Variants in NUAK1 observed in about 807,000 individuals in gnomAD.
The protein encoded by NUAK1 is NUAK family kinase 1.
NUAK1 carries 26 observed loss-of-function variants against 56.9 expected under a neutral mutation model. That is an observed-to-expected ratio of 0.46 (90% CI 0.33 to 0.63). NUAK1 has a LOEUF of 0.63. Ranked by LOEUF, NUAK1 falls within the 30% of genes least tolerant of loss-of-function variation. The pLI is 0.02. For synonymous variants in NUAK1, 337 were observed against 336.0 expected (o/e 1.00, Z -0.03); for missense variants, 727 against 876.1 (o/e 0.83, Z 2.15).
At chr12:106,072,511 G>A (rs149242824) in intron 5 of NUAK1, among the ~76,000 whole-genome samples, 1 of 152,140 alleles carries the variant, frequency 6.6e-6, no homozygotes. Flanking sequence ...GGGATGGCAG[G>A]TACCTTTATT....
At chr12:106,099,663 C>G (rs181601609) in intron 2 of NUAK1, among the ~76,000 whole-genome samples, 187 of 152,218 alleles carry the variant, frequency 1.2e-3, no homozygotes, top group Non-Finnish European at 2.1e-3. Flanking sequence ...GCTGAATTTT[C>G]CTTACCATAA....
chr12:106,117,430 C>T (rs995409540), intron 1 of NUAK1, among the ~76,000 whole-genome samples: 3 of 152,154 alleles, frequency 2.0e-5, no homozygotes, highest in African/African-American at 7.2e-5. Context: ...CTTTGCTCAG[C>T]TATTCATTTT....
chr12:106,110,464 TG>T (rs2032847291), intron 1 of NUAK1, among the ~76,000 whole-genome samples: 2 of 152,002 alleles, frequency 1.3e-5, no homozygotes, highest in African/African-American at 2.4e-5. Flanking sequence ...ACCAAAGAAA[TG>T]CACAGACATG....
intron 1 of NUAK1, among the ~76,000 whole-genome samples, chr12:106,113,326 G>T (rs2032883967): frequency 1.3e-5 from 2 of 152,206 alleles, no homozygotes; most frequent in Admixed American, 1.3e-4. Context: ...AGTTCGTGCT[G>T]AGTGGGCATG....
intron 1 of NUAK1, among the ~76,000 whole-genome samples, chr12:106,117,104 G>A (rs142202304): frequency 3.3e-4 from 50 of 152,248 alleles, no homozygotes; most frequent in African/African-American, 9.9e-4. Context: ...CTCCTTTTGG[G>A]AGGAACACCC....
chr12:106,108,864 C>A (rs2032831141), intron 1 of NUAK1, among the ~76,000 whole-genome samples: 2 of 152,166 alleles, frequency 1.3e-5, no homozygotes, highest in African/African-American at 4.8e-5. Flanking sequence ...CGGAGGGTCC[C>A]ATGGTGCAAT....
At chr12:106,126,749 C>T (rs2033029003) in intron 1 of NUAK1, among the ~76,000 whole-genome samples, 1 of 152,180 alleles carries the variant, frequency 6.6e-6, no homozygotes. Flanking sequence ...TGGAATCTTG[C>T]CTCTAGCCTA....
chr12:106,120,588 C>T (rs1037277512), intron 1 of NUAK1, among the ~76,000 whole-genome samples: 1 of 152,138 alleles, frequency 6.6e-6, no homozygotes, highest in Admixed American at 6.5e-5. Flanking sequence ...TCAGGTCACC[C>T]CACTAACAGA....
chr12:106,081,026 G>A (rs560246724), intron 4 of NUAK1, among the ~76,000 whole-genome samples: 16 of 152,252 alleles, frequency 1.1e-4, no homozygotes, highest in African/African-American at 1.4e-4. Flanking sequence ...AAGACCAGCT[G>A]AATCACATTT....
intron 1 of NUAK1, among the ~76,000 whole-genome samples, chr12:106,131,161 G>GC (rs544693616): frequency 4.4e-4 from 66 of 151,686 alleles, no homozygotes; most frequent in South Asian, 3.5e-3. Context: ...TCCACCCTGA[G>GC]CCCCCCCCTT....
intron 6 of NUAK1, 83 bp from the exon 7 acceptor site, chr12:106,068,038 A>T: frequency 7.6e-7 from 1 of 1,318,116 alleles, no homozygotes; most frequent in Non-Finnish European, 1.0e-6. Context: ...GGAGTGACGA[A>T]AGACACACAC....
intron 1 of NUAK1, among the ~76,000 whole-genome samples, chr12:106,116,700 G>A (rs2032920300): frequency 6.6e-6 from 1 of 152,216 alleles, no homozygotes; most frequent in Non-Finnish European, 1.5e-5. Context: ...CATAGTAGGT[G>A]TTACATAAAT....
chr12:106,063,838 C>A lies in NUAK1; in HGVS notation c.*2964G>T, dbSNP rs2032306812. 1 of 152,566 alleles carries A rather than the reference C, an allele frequency of 6.6e-6. No homozygotes were observed. The highest frequency in any genetic ancestry group is 1.5e-5 in the Non-Finnish European group (1 of 68,038). The allele number at this position is 152,566 out of a possible 1,614,324, so 9.5% of individuals were successfully genotyped here. A position where few individuals can be genotyped will look rare whatever the true frequency, so the allele number is the denominator to read the frequency against. Reference sequence around the variant, plus strand: ...CTCAAGACAGCAGGCCTGGGCAAAACTCGCCTGAATTTCACCCTGAAAAGT... The same window carrying A: ...CTCAAGACAGCAGGCCTGGGCAAAAATCGCCTGAATTTCACCCTGAAAAGT... On this transcript the variant is annotated 3_prime_UTR_variant, in exon 7 of 7. Coordinates refer to ENST00000261402, the MANE Select transcript of NUAK1 (RefSeq NM_014840.3).
chr12:106,078,745 G>C (rs1264124938), intron 4 of NUAK1, among the ~76,000 whole-genome samples: 2 of 152,226 alleles, frequency 1.3e-5, no homozygotes, highest in Non-Finnish European at 2.9e-5. Context: ...GGAACAATGT[G>C]AGGAGGCTCT....
intron 3 of NUAK1, among the ~76,000 whole-genome samples, chr12:106,086,082 T>C (rs772812899): frequency 6.6e-6 from 1 of 150,984 alleles, no homozygotes; most frequent in Non-Finnish European, 1.5e-5. Flanking sequence ...TTCAAGAACA[T>C]TTCTCCTAGT....
chr12:106,094,887 G>A (rs957276202), intron 2 of NUAK1, among the ~76,000 whole-genome samples: 3 of 152,312 alleles, frequency 2.0e-5, no homozygotes, highest in South Asian at 2.1e-4. Context: ...GGCAGGGGAC[G>A]TGGCCAGGAT....
At chr12:106,109,265 T>G (rs909300999) in intron 1 of NUAK1, among the ~76,000 whole-genome samples, 1 of 152,182 alleles carries the variant, frequency 6.6e-6, no homozygotes, top group Non-Finnish European at 1.5e-5. Context: ...CAGTATTCAT[T>G]AGCCACTTAA....
At chr12:106,121,310 T>C (rs2032971993) in intron 1 of NUAK1, among the ~76,000 whole-genome samples, 1 of 152,218 alleles carries the variant, frequency 6.6e-6, no homozygotes, top group Non-Finnish European at 1.5e-5. Flanking sequence ...TCACTTAGTG[T>C]ATCTTGCAGA....
At chr12:106,086,459 CCTGTAA>C in intron 3 of NUAK1, among the ~76,000 whole-genome samples, 1 of 152,026 alleles carries the variant, frequency 6.6e-6, no homozygotes, top group East Asian at 1.9e-4. Flanking sequence ...TTGAAACTTT[CCTGTAA>C]ATCTAAAATT....
Sources: gnomAD v4.1 joint callset for allele counts (sites outside exome capture counted in the v4.1 genomes callset) on GRCh38, gnomAD v4.1.1 for gene constraint, MANE v1.5 for transcripts, NCBI Gene and HGNC (gene_info 2026-07-23, HGNC 2026-07-21) for gene names.